Variants in ETS1 observed in about 807,000 individuals in gnomAD.
ETS1 encodes protein C-ets-1.
ETS1 carries 15 observed loss-of-function variants against 58.6 expected under a neutral mutation model. The ratio of observed to expected loss-of-function variants is 0.26; its 90% confidence interval spans 0.17 to 0.39. The LOEUF is 0.39. Among genes scored for constraint, ETS1 ranks in the 10% least tolerant of loss-of-function variants. The pLI, the probability that ETS1 is intolerant of heterozygous loss-of-function variation, is 1.00. For missense variants in ETS1, 417 were observed against 610.5 expected (o/e 0.68, Z 3.34); for synonymous variants, 214 against 218.2 (o/e 0.98, Z 0.17).
chr11:128,490,115 G>A (rs940522507), intron 4 of ETS1, among the ~76,000 whole-genome samples: 4 of 152,180 alleles, frequency 2.6e-5, no homozygotes, highest in African/African-American at 4.8e-5. Flanking sequence ...TACATGACCT[G>A]AGGTTTAACC....
At chr11:128,550,348 G>A (rs1476609026) in intron 3 of ETS1, among the ~76,000 whole-genome samples, 1 of 152,224 alleles carries the variant, frequency 6.6e-6, no homozygotes, top group East Asian at 1.9e-4. Flanking sequence ...AAAGAAAGAG[G>A]CCATGTAGGA....
At chr11:128,518,066 C>T (rs1327604077) in intron 3 of ETS1, among the ~76,000 whole-genome samples, 1 of 152,206 alleles carries the variant, frequency 6.6e-6, no homozygotes, top group Non-Finnish European at 1.5e-5. Flanking sequence ...ACTTGGTAGC[C>T]TTCCTGCTCT....
chr11:128,511,349 C>T (rs1380901859), intron 3 of ETS1, among the ~76,000 whole-genome samples: 1 of 152,204 alleles, frequency 6.6e-6, no homozygotes, highest in Non-Finnish European at 1.5e-5. Flanking sequence ...AGTCCAAAGT[C>T]AACCTTCTCC....
chr11:128,561,733 C>T (rs930212824), intron 2 of ETS1, among the ~76,000 whole-genome samples: 5 of 152,150 alleles, frequency 3.3e-5, no homozygotes, highest in Admixed American at 1.3e-4. Context: ...GGTGAATCTA[C>T]GGGACGGACA....
At chr11:128,515,525 G>A (rs1369610680) in intron 3 of ETS1, among the ~76,000 whole-genome samples, 1 of 152,056 alleles carries the variant, frequency 6.6e-6, no homozygotes, top group African/African-American at 2.4e-5. Context: ...TTACTTAGAT[G>A]GTCTAAACCC....
At chr11:128,516,815 A>ATTAAATT (rs1239833504) in intron 3 of ETS1, among the ~76,000 whole-genome samples, 3 of 152,230 alleles carry the variant, frequency 2.0e-5, no homozygotes, top group Non-Finnish European at 4.4e-5. Context: ...AAGCAGGATA[A>ATTAAATT]TTAAATTTTA....
chr11:128,485,552 C>G (rs971992737), intron 6 of ETS1, among the ~76,000 whole-genome samples: 1 of 152,206 alleles, frequency 6.6e-6, no homozygotes, highest in African/African-American at 2.4e-5. Context: ...AACAGGCCTA[C>G]ATTCATTGTT....
chr11:128,531,970 T>C (rs1466893818), intron 3 of ETS1, among the ~76,000 whole-genome samples: 1 of 152,190 alleles, frequency 6.6e-6, no homozygotes, highest in Non-Finnish European at 1.5e-5. Context: ...GCATCTTACA[T>C]TTTCCTCGGC....
At chr11:128,488,768 T>A (rs1484020258) in intron 5 of ETS1, among the ~76,000 whole-genome samples, 4 of 152,176 alleles carry the variant, frequency 2.6e-5, no homozygotes, top group Non-Finnish European at 1.5e-5. Context: ...CCCCAGTTCC[T>A]GCTCCAGATG....
At chr11:128,541,861 C>T (rs1291242727) in intron 3 of ETS1, among the ~76,000 whole-genome samples, 1 of 152,156 alleles carries the variant, frequency 6.6e-6, no homozygotes, top group Non-Finnish European at 1.5e-5. Context: ...CTCTACAATA[C>T]AGGTATTCAC....
chr11:128,576,349 C>T (rs1049027871), intron 1 of ETS1, among the ~76,000 whole-genome samples: 4 of 152,084 alleles, frequency 2.6e-5, no homozygotes, highest in Admixed American at 6.5e-5. Context: ...TTTTTAGTAG[C>T]GTTTGTTTTT....
At chr11:128,484,087 G>C (rs186276861) in intron 7 of ETS1, among the ~76,000 whole-genome samples, 23 of 152,246 alleles carry the variant, frequency 1.5e-4, no homozygotes, top group Admixed American at 6.5e-5. Context: ...TAAAAATTGG[G>C]TGCATTTTAC....
intron 7 of ETS1, among the ~76,000 whole-genome samples, chr11:128,482,923 G>A (rs1021064461): frequency 6.6e-6 from 1 of 152,138 alleles, no homozygotes; most frequent in Admixed American, 6.5e-5. Context: ...AGTCCTTAGG[G>A]CCCAAATAAG....
At chr11:128,465,538 G>A (rs1862010935) in intron 8 of ETS1, among the ~76,000 whole-genome samples, 1 of 152,168 alleles carries the variant, frequency 6.6e-6, no homozygotes, top group African/African-American at 2.4e-5. Context: ...CAGGCACAAA[G>A]AAGTAAAACA....
At chr11:128,558,191 C>A (rs1591661402) in intron 2 of ETS1, among the ~76,000 whole-genome samples, 1 of 152,142 alleles carries the variant, frequency 6.6e-6, no homozygotes, top group East Asian at 1.9e-4. Context: ...GAAATGTCAC[C>A]AGTTGTGTTG....
intron 1 of ETS1, among the ~76,000 whole-genome samples, chr11:128,574,990 T>G (rs1410354725): frequency 6.6e-6 from 1 of 152,180 alleles, no homozygotes; most frequent in Non-Finnish European, 1.5e-5. Flanking sequence ...CCCAGTGATG[T>G]GGGAATGCTG....
rs1368076037 is a variant in ETS1 at position 128,494,045 on chromosome 11, T to C, written c.215-3469A>G. 5.3e-5 allele frequency among the ~76,000 whole-genome samples: 8 copies of C among 152,248 alleles called. No homozygotes were observed. The South Asian group carries it at 1.7e-3, about 31-fold the overall frequency. ...TAATATTTTTACATTAGGTACAAAA[T>C]ATTTCTAATTTTAGAATCAGTGTCT... On this transcript the variant is annotated intron_variant, in intron 3 of 9. Coordinates refer to ENST00000392668, the MANE Select transcript of ETS1 (RefSeq NM_001143820.2).
chr11:128,530,336 C>T (rs1204750904), intron 3 of ETS1: 2 of 152,108 alleles, frequency 1.3e-5, no homozygotes, highest in African/African-American at 4.8e-5. Flanking sequence ...GGATTGGCTC[C>T]CATACAATAA....
At chr11:128,510,571 G>T (rs111422818) in intron 3 of ETS1, among the ~76,000 whole-genome samples, 2,769 of 152,260 alleles carry the variant, frequency 0.018, 75 homozygotes, top group African/African-American at 0.06. Flanking sequence ...AACCCCAATT[G>T]GAGGAGGAGA....
Sources: gnomAD v4.1 joint callset for allele counts (sites outside exome capture counted in the v4.1 genomes callset) on GRCh38, gnomAD v4.1.1 for gene constraint, MANE v1.5 for transcripts, NCBI Gene and HGNC (gene_info 2026-07-23, HGNC 2026-07-21) for gene names.